CDH26: variants seen among roughly 807,000 people sequenced by gnomAD.
CDH26 encodes the protein cadherin 26.
In CDH26, 83 loss-of-function variants were observed where a neutral mutation model predicts 90.3. The observed-to-expected ratio is 0.92, with a 90% CI of 0.77 to 1.10. The LOEUF is 1.10. Among genes scored for constraint, CDH26 ranks in the 50% least tolerant of loss-of-function variants. The probability of loss-of-function intolerance (pLI) is 0.00; values close to 1 mark genes in which losing one functional copy is unlikely to be tolerated. For synonymous variants in CDH26, 397 were observed against 396.3 expected (o/e 1.00, Z -0.02); for missense variants, 1,013 against 1,037.6 (o/e 0.98, Z 0.33).
intron 14 of CDH26, among the ~76,000 whole-genome samples, chr20:60,000,093 G>A (rs1402493077): frequency 6.6e-6 from 1 of 152,218 alleles, no homozygotes; most frequent in East Asian, 1.9e-4. Flanking sequence ...GCAGGCAAGT[G>A]TGAAGATAGC....
chr20:60,012,736 A>G lies in CDH26; in HGVS notation c.*6A>G. ...AGTCAGGTGTTCCTTCCTAAAAAAA[A>G]AAGTCTATTTTGGAGAATTGAAATA... On this transcript the variant is annotated 3_prime_UTR_variant, in exon 18 of 18. Coordinates refer to ENST00000348616, the MANE Select transcript of CDH26 (RefSeq NM_177980.4). 1.2e-6 allele frequency: 2 copies of G among 1,612,444 alleles called. No individual in the cohort carries two copies. Among genetic ancestry groups the G allele is most frequent in the East Asian group, 2.2e-5 (1 of 44,872 alleles).
chr20:59,996,135 A>G lies in CDH26; in HGVS notation c.1888+81A>G, dbSNP rs979226287. ...CCAGGGGTAAGGGGCTTGCTGGGGTAGGGGACAGCGGTGGCAGGATTGGTG... is the reference window on the plus strand; with the variant it reads ...CCAGGGGTAAGGGGCTTGCTGGGGTGGGGGACAGCGGTGGCAGGATTGGTG... On this transcript the variant is annotated intron_variant, in intron 12 of 17. Transcript: ENST00000348616. 7 of 1,395,390 alleles carry G rather than the reference A, an allele frequency of 5.0e-6. No individual in the cohort carries two copies. In the African/African-American group the frequency reaches 7.1e-5, roughly 14 times the overall value. The allele number at this position is 1,395,390 out of a possible 1,614,324, so 86.4% of individuals were successfully genotyped here. A position where few individuals can be genotyped will look rare whatever the true frequency, so the allele number is the denominator to read the frequency against.
chr20:59,968,023 CTGT>C (rs2061198360), intron 1 of CDH26, among the ~76,000 whole-genome samples: 1 of 118,328 alleles, frequency 8.5e-6, no homozygotes, highest in African/African-American at 4.6e-5. Context: ...TCCTTTCTCT[CTGT>C]CTCTCTCTCT....
At chr20:59,990,609 C>T (rs1601152059) in intron 9 of CDH26, among the ~76,000 whole-genome samples, 5 of 152,160 alleles carry the variant, frequency 3.3e-5, no homozygotes, top group African/African-American at 9.7e-5. Flanking sequence ...AATGGAATTA[C>T]TAGAAAAATT....
intron 7 of CDH26, among the ~76,000 whole-genome samples, chr20:59,985,380 C>T (rs111404818): frequency 0.012 from 1,848 of 152,032 alleles, 14 homozygotes; most frequent in South Asian, 0.038. Flanking sequence ...GGCGGAAGGA[C>T]GGGGGGAGCA....
At chr20:59,984,050 G>A (rs2061425079) in intron 5 of CDH26, among the ~76,000 whole-genome samples, 1 of 152,076 alleles carries the variant, frequency 6.6e-6, no homozygotes, top group Non-Finnish European at 1.5e-5. Flanking sequence ...TATTTACTTA[G>A]CATGAATTCA....
Position 59,958,673 on chromosome 20 carries a change from C to G in CDH26, c.-54C>G. 6.4e-7 allele frequency: 1 copy of G among 1,557,308 alleles called. No homozygotes were observed. The highest frequency in any genetic ancestry group is 8.9e-7 in the Non-Finnish European group (1 of 1,129,040). On this transcript the variant is annotated 5_prime_UTR_variant, in exon 1 of 18. Coordinates refer to ENST00000348616, the MANE Select transcript of CDH26 (RefSeq NM_177980.4). Reference sequence around the variant, plus strand: ...TGTGTGGCTCCGGTGAGACCACCAGCTTGGAGGACTGGTCATCAGCTGCAC... The same window carrying G: ...TGTGTGGCTCCGGTGAGACCACCAGGTTGGAGGACTGGTCATCAGCTGCAC...
chr20:60,021,861 C>CACACACACACACACACACACACACAT (rs1569068567), intron 7 of CDH26, among the ~76,000 whole-genome samples: 10 of 68,910 alleles, frequency 1.5e-4, no homozygotes, highest in African/African-American at 4.5e-4. Context: ...CACACACACA[C>CACACACACACACACACACACACACAT]ACACACACAC....
intron 17 of CDH26, among the ~76,000 whole-genome samples, chr20:60,010,745 G>A (rs2061825335): frequency 6.6e-6 from 1 of 152,202 alleles, no homozygotes; most frequent in African/African-American, 2.4e-5. Flanking sequence ...GGTGAGAAGA[G>A]GGCTGTTTGG....
At position 59,985,025 on chromosome 20, in the gene CDH26, A is replaced by G. The variant is rs145169499; in HGVS notation, c.733A>G (p.Ile245Val). 119 of 1,613,944 alleles carry G rather than the reference A, an allele frequency of 7.4e-5. No homozygotes were observed. Among genetic ancestry groups the G allele is most frequent in the Non-Finnish European group, 9.7e-5 (114 of 1,180,002 alleles). Reference sequence around the variant, plus strand: ...GACCGCTCCTCAGTTTACACTGCTAATCAGAGCCAGGGACTGTGGAGAACC... The same window carrying G: ...GACCGCTCCTCAGTTTACACTGCTAGTCAGAGCCAGGGACTGTGGAGAACC... ...YETAPQFTLLIRARDCGEPSL... is the reference protein window; with the variant it reads ...YETAPQFTLLVRARDCGEPSL... Residue 245 changes from isoleucine to valine, a missense_variant, in exon 7 of 18, where the codon ATC becomes GTC. By Grantham distance (29) the Ile-to-Val change is conservative. Coordinates refer to ENST00000348616, the MANE Select transcript of CDH26 (RefSeq NM_177980.4).
chr20:60,012,030 G>C (rs1301127219), intron 17 of CDH26, among the ~76,000 whole-genome samples: 1 of 152,166 alleles, frequency 6.6e-6, no homozygotes, highest in Non-Finnish European at 1.5e-5. Flanking sequence ...GCAGGAAGTG[G>C]TGGCCGCCCT....
chr20:60,002,188 A>T (rs2061685564), intron 15 of CDH26, among the ~76,000 whole-genome samples: 1 of 152,210 alleles, frequency 6.6e-6, no homozygotes, highest in Non-Finnish European at 1.5e-5. Flanking sequence ...CTATAATTTC[A>T]TATCTTTGCA....
chr20:59,985,274 G>A, intron 7 of CDH26, 145 bp downstream of exon 7: 1 of 1,043,856 alleles, frequency 9.6e-7, no homozygotes, highest in Non-Finnish European at 1.3e-6. Context: ...ATAAAGAAAA[G>A]AGGTTTAATT....
At chr20:59,999,790 C>A (rs552527642) in intron 14 of CDH26, 127 bp downstream of exon 14, 12 of 754,256 alleles carry the variant, frequency 1.6e-5, no homozygotes, top group African/African-American at 5.2e-5. Context: ...AAGTCAGCAA[C>A]CCCAGCCCCT....
In CDH26 at chr20:59,987,614, C is replaced by A. The variant is rs529910172; in HGVS notation, c.999C>A (p.Asn333Lys). Reference protein sequence around the residue: ...HFDISTDPETNEGILNVIKPL... With the variant: ...HFDISTDPETKEGILNVIKPL... ...ACATTTCGACTGACCCTGAGACCAACGAAGGGATATTAAATGTTATCAAGG... is the reference window on the plus strand; with the variant it reads ...ACATTTCGACTGACCCTGAGACCAAAGAAGGGATATTAAATGTTATCAAGG... The change falls in exon 8 of 18, where the codon AAC becomes AAA. Residue 333 changes from asparagine to lysine, a missense_variant. Coordinates refer to ENST00000348616, the MANE Select transcript of CDH26 (RefSeq NM_177980.4). 8 of 1,612,500 alleles carry A rather than the reference C, an allele frequency of 5.0e-6. No individual in the cohort carries two copies. Among genetic ancestry groups the A allele is most frequent in the Non-Finnish European group, 5.9e-6 (7 of 1,179,360 alleles).
intron 17 of CDH26, among the ~76,000 whole-genome samples, chr20:60,010,414 C>T (rs964395341): frequency 2.0e-5 from 3 of 152,226 alleles, no homozygotes; most frequent in South Asian, 2.1e-4. Context: ...AAACCCATTC[C>T]TGCCAAGGTC....
rs1270748400 is a variant in CDH26 at position 60,014,146 on chromosome 20, A to G, written c.*1416A>G. The stretch of plus-strand genomic sequence containing the variant: ...TTTTTAAAAAATTATCTCATTTTAA[A>G]ACTTTATTATTTCATTTTAAATAAT... On this transcript the variant is annotated 3_prime_UTR_variant, in exon 18 of 18. Transcript: ENST00000348616. 1 of 152,162 alleles carries G rather than the reference A, an allele frequency of 6.6e-6. No homozygotes were observed. Among genetic ancestry groups the G allele is most frequent in the Non-Finnish European group, 1.5e-5 (1 of 68,030 alleles). The allele number at this position is 152,162 out of a possible 1,614,324, so 9.4% of individuals were successfully genotyped here. A position where few individuals can be genotyped will look rare whatever the true frequency, so the allele number is the denominator to read the frequency against.
In CDH26 at chr20:59,979,601, C is replaced by CTTTTTTTTTTT. The variant is rs559969476; in HGVS notation, c.394-3289_394-3279dup. Among the ~76,000 whole-genome samples the CTTTTTTTTTTT allele has an allele frequency of 8.4e-5, 4 of 47,498 alleles. 1 individual carries two copies. The highest frequency in any genetic ancestry group is 3.7e-4 in the Admixed American group (1 of 2,730). The allele number at this position is 47,498 out of a possible 152,430, so 31.2% of individuals were successfully genotyped here. ...TGTGGTGAGATAAAGCTGCTATGCA[C>CTTTTTTTTTTT]TTTTTTTTTTTTTTTTTTTTTTTTT... On this transcript the variant is annotated intron_variant, in intron 4 of 17. Transcript: ENST00000348616.
intron 12 of CDH26, 185 bp from the exon 13 acceptor site, chr20:59,996,446 A>G (rs1030776985): frequency 1.9e-6 from 3 of 1,592,146 alleles, no homozygotes; most frequent in African/African-American, 1.3e-5. Context: ...AATTCAACAA[A>G]CAGTTATGTA....
Sources: gnomAD v4.1 joint callset for allele counts (sites outside exome capture counted in the v4.1 genomes callset) on GRCh38, gnomAD v4.1.1 for gene constraint, MANE v1.5 for transcripts, NCBI Gene and HGNC (gene_info 2026-07-23, HGNC 2026-07-21) for gene names.